Variants in PICALM observed in about 807,000 individuals in gnomAD.
PICALM encodes phosphatidylinositol binding clathrin assembly protein, also known as phosphatidylinositol-binding clathrin assembly protein.
A neutral mutation model predicts 80.5 loss-of-function variants in PICALM; 40 were observed. That is an observed-to-expected ratio of 0.50 (90% CI 0.39 to 0.65). The LOEUF (loss-of-function observed/expected upper bound fraction) is 0.65, where lower values mean the gene tolerates loss of function less well. Ranked by LOEUF, PICALM falls within the 30% of genes least tolerant of loss-of-function variation. The pLI is 0.00. For synonymous variants in PICALM, 288 were observed against 260.3 expected (o/e 1.11, Z -1.02); for missense variants, 676 against 778.9 (o/e 0.87, Z 1.57).
chr11:85,971,905 C>G (rs2094125118), intron 19 of PICALM, among the ~76,000 whole-genome samples: 1 of 152,082 alleles, frequency 6.6e-6, no homozygotes, highest in African/African-American at 2.4e-5. Context: ...ACCTCAGCCT[C>G]CCAAGTAGCT....
rs985174108 is a variant in PICALM at position 85,957,908 on chromosome 11, C to T, written c.*1138G>A. On this transcript the variant is annotated 3_prime_UTR_variant, in exon 20 of 20. Transcript: ENST00000393346. ...CGATCAACAGTGCAGTTTAATTCTTCGTTTACTAAACTCTTGGCTAGACAT... is the reference window on the plus strand; with the variant it reads ...CGATCAACAGTGCAGTTTAATTCTTTGTTTACTAAACTCTTGGCTAGACAT... 4 of 223,026 alleles carry T rather than the reference C, an allele frequency of 1.8e-5. No homozygotes were observed. Among genetic ancestry groups the T allele is most frequent in the African/African-American group, 6.7e-5 (3 of 44,726 alleles). The allele number at this position is 223,026 out of a possible 1,614,324, so 13.8% of individuals were successfully genotyped here.
At chr11:85,986,356 CAACTTTT>C (rs2094569482) in intron 13 of PICALM, among the ~76,000 whole-genome samples, 1 of 136,392 alleles carries the variant, frequency 7.3e-6, no homozygotes, top group East Asian at 2.4e-4. Flanking sequence ...TCAGGACTGC[CAACTTTT>C]AATTTTTTTT....
intron 1 of PICALM, among the ~76,000 whole-genome samples, chr11:86,048,994 T>C (rs1182862812): frequency 6.6e-6 from 1 of 151,690 alleles, no homozygotes; most frequent in African/African-American, 2.4e-5. Flanking sequence ...AGTGACCACG[T>C]AAAGAACAAA....
chr11:85,975,571 T>A (rs946204220), intron 18 of PICALM, among the ~76,000 whole-genome samples: 2 of 149,008 alleles, frequency 1.3e-5, no homozygotes, highest in Non-Finnish European at 3.0e-5. Context: ...TTTAAGTTTA[T>A]GGCCTGAGTT....
chr11:86,064,672 A>T (rs561078298), intron 1 of PICALM, among the ~76,000 whole-genome samples: 238 of 149,026 alleles, frequency 1.6e-3, no homozygotes, highest in African/African-American at 5.5e-3. Context: ...AAAAAAAAGG[A>T]GACATTACAG....
intron 19 of PICALM, among the ~76,000 whole-genome samples, chr11:85,969,883 C>T (rs2094041134): frequency 6.6e-6 from 1 of 152,124 alleles, no homozygotes. Flanking sequence ...TGTCTTCATT[C>T]CTCAGGTGAG....
rs1391628879 is a variant in PICALM, at chr11:86,068,803, C to T, written c.-23G>A. 1 of 1,589,098 alleles carries T rather than the reference C, an allele frequency of 6.3e-7. No individual in the cohort carries two copies. The highest frequency in any genetic ancestry group is 2.3e-5 in the East Asian group (1 of 43,834). On this transcript the variant is annotated 5_prime_UTR_variant, in exon 1 of 20. Transcript: ENST00000393346. The stretch of plus-strand genomic sequence containing the variant: ...CATCTCTGCAGCTCCTCCACCACCC[C>T]ACCCGCTCAGCAGCCGGCGGGGACT...
chr11:85,997,574 G>A (rs1406487061), intron 11 of PICALM, among the ~76,000 whole-genome samples: 1 of 152,130 alleles, frequency 6.6e-6, no homozygotes, highest in Non-Finnish European at 1.5e-5. Context: ...AGGTTCAAAT[G>A]ATTCTCCTGC....
intron 13 of PICALM, among the ~76,000 whole-genome samples, chr11:85,989,790 C>T (rs1457337850): frequency 6.6e-6 from 1 of 151,870 alleles, no homozygotes; most frequent in Non-Finnish European, 1.5e-5. Context: ...AAAACTGTGA[C>T]GTGCAACAGT....
intron 12 of PICALM, among the ~76,000 whole-genome samples, chr11:85,993,641 G>A (rs1592674868): frequency 6.6e-6 from 1 of 151,984 alleles, no homozygotes. Context: ...GTATCACCAT[G>A]TTGGCCAGGC....
chr11:85,977,835 T>C (rs781262207), intron 17 of PICALM, among the ~76,000 whole-genome samples: 6 of 152,156 alleles, frequency 3.9e-5, no homozygotes, highest in Non-Finnish European at 8.8e-5. Context: ...CACCCAGCCA[T>C]CTGGCAGCAA....
intron 1 of PICALM, among the ~76,000 whole-genome samples, chr11:86,039,962 C>T (rs1381306172): frequency 6.8e-6 from 1 of 146,268 alleles, no homozygotes; most frequent in African/African-American, 2.5e-5. Flanking sequence ...CGAGATCGCG[C>T]CATTGCACTC....
intron 19 of PICALM, among the ~76,000 whole-genome samples, chr11:85,973,154 G>A (rs1372852097): frequency 1.3e-5 from 2 of 152,214 alleles, no homozygotes; most frequent in East Asian, 3.8e-4. Flanking sequence ...GGTAAAAAAA[G>A]AGGCATGTTG....
At chr11:86,033,570 G>A (rs2095796370) in intron 1 of PICALM, among the ~76,000 whole-genome samples, 1 of 152,054 alleles carries the variant, frequency 6.6e-6, no homozygotes, top group African/African-American at 2.4e-5. Context: ...GAATATTTAC[G>A]CAAAATAACA....
intron 1 of PICALM, among the ~76,000 whole-genome samples, chr11:86,033,088 A>G (rs1336724261): frequency 6.6e-6 from 1 of 152,224 alleles, no homozygotes; most frequent in Non-Finnish European, 1.5e-5. Context: ...CAACTTGGAT[A>G]TGCATGCTTC....
At chr11:85,974,528 T>G in intron 19 of PICALM, 180 bp downstream of exon 19, 1 of 711,816 alleles carries the variant, frequency 1.4e-6, no homozygotes, top group East Asian at 2.6e-5. Flanking sequence ...ACTTATCCTT[T>G]CCCTCCAAAT....
At chr11:86,040,244 C>T (rs958564054) in intron 1 of PICALM, among the ~76,000 whole-genome samples, 29 of 152,060 alleles carry the variant, frequency 1.9e-4, no homozygotes, top group African/African-American at 6.5e-4. Flanking sequence ...ACAAAATATC[C>T]AATATATACA....
At chr11:85,984,096 C>G (rs1353548362) in intron 13 of PICALM, 123 bp from the exon 14 acceptor site, 2 of 578,286 alleles carry the variant, frequency 3.5e-6, no homozygotes, top group African/African-American at 4.0e-5. Flanking sequence ...AAAGCCAATC[C>G]TTCAAGCAAA....
intron 19 of PICALM, among the ~76,000 whole-genome samples, chr11:85,961,673 C>T (rs1053617122): frequency 6.6e-6 from 1 of 152,106 alleles, no homozygotes; most frequent in Non-Finnish European, 1.5e-5. Flanking sequence ...TTCTTTTTCT[C>T]CCTCTGTATA....
Sources: gnomAD v4.1 joint callset for allele counts (sites outside exome capture counted in the v4.1 genomes callset) on GRCh38, gnomAD v4.1.1 for gene constraint, MANE v1.5 for transcripts, NCBI Gene and HGNC (gene_info 2026-07-23, HGNC 2026-07-21) for gene names.